The following SHANK2 variants were observed in gnomAD, a reference collection of about 807,000 sequenced individuals.
SHANK2 encodes SH3 and multiple ankyrin repeat domains 2, also known as SH3 and multiple ankyrin repeat domains protein 2.
A neutral mutation model predicts 133.7 loss-of-function variants in SHANK2; 43 were observed. That is an observed-to-expected ratio of 0.32 (90% CI 0.25 to 0.41). The LOEUF is 0.41. SHANK2 is among the 10% of genes least tolerant of loss of function. The pLI is 1.00. For synonymous variants in SHANK2, 1,017 were observed against 952.8 expected (o/e 1.07, Z -1.24); for missense variants, 1,994 against 2,235.8 (o/e 0.89, Z 2.18).
chr11:70,643,330 G>C (rs1323099406), intron 17 of SHANK2, among the ~76,000 whole-genome samples: 2 of 152,124 alleles, frequency 1.3e-5, no homozygotes, highest in Non-Finnish European at 2.9e-5. Flanking sequence ...TTGGGAGGCC[G>C]AGGCGGGCGG....
intron 14 of SHANK2, among the ~76,000 whole-genome samples, chr11:70,710,277 ACAAGTGACCAGGCTCTGAAGT>A (rs1945754541): frequency 6.6e-6 from 1 of 152,206 alleles, no homozygotes; most frequent in Non-Finnish European, 1.5e-5. Context: ...CTGCCGCACG[ACAAGTGACCAGGCTCTGAAGT>A]CAAGGGTGAG....
At chr11:71,087,603 G>A (rs1454827044) in intron 8 of SHANK2, among the ~76,000 whole-genome samples, 6 of 152,110 alleles carry the variant, frequency 3.9e-5, no homozygotes, top group East Asian at 3.8e-4. Context: ...AGCGAGCTTC[G>A]GGTCCCATAC....
chr11:70,625,983 A>C (rs1390595241), intron 17 of SHANK2, among the ~76,000 whole-genome samples: 1 of 152,006 alleles, frequency 6.6e-6, no homozygotes, highest in Non-Finnish European at 1.5e-5. Context: ...TCCCGCTCGG[A>C]GGGCTGAGGG....
chr11:70,852,626 C>T (rs781925098), intron 11 of SHANK2, among the ~76,000 whole-genome samples: 9 of 152,188 alleles, frequency 5.9e-5, no homozygotes, highest in Admixed American at 2.6e-4. Flanking sequence ...GGGCGGATCA[C>T]GAGGTCAGGA....
At chr11:70,932,906 CTG>C (rs1480379458) in intron 10 of SHANK2, among the ~76,000 whole-genome samples, 1 of 152,200 alleles carries the variant, frequency 6.6e-6, no homozygotes, top group Non-Finnish European at 1.5e-5. Flanking sequence ...CTCTTGCACA[CTG>C]TGGCTGGGAA....
rs755431485 is a variant in SHANK2 at position 70,792,852 on chromosome 11, G to A, written c.1777+5591C>T. 3.1e-3 allele frequency among the ~76,000 whole-genome samples: 477 copies of A among 152,308 alleles called. 4 individuals are homozygous for A. The highest frequency in any genetic ancestry group is 4.0e-3 in the Non-Finnish European group (274 of 68,034). ...TACAATCCCAGTATTTTGGGAGACC[G>A]AGGCAGGAGGGTCACTTGTGCCTAG... On this transcript the variant is annotated intron_variant, in intron 14 of 25. Coordinates refer to ENST00000601538, the MANE Select transcript of SHANK2 (RefSeq NM_012309.5).
chr11:70,798,318 C>A, intron 14 of SHANK2, 125 bp downstream of exon 14: 1 of 677,832 alleles, frequency 1.5e-6, no homozygotes, highest in South Asian at 1.5e-5. Context: ...TCTAGAAAGT[C>A]CTGAATTCGC....
Position 70,599,937 on chromosome 11 carries a change from A to AAG in SHANK2, c.2061+59889_2061+59890dup, listed in dbSNP as rs1382563994. On this transcript the variant is annotated intron_variant, in intron 17 of 25. Transcript: ENST00000601538. Reference sequence around the variant, plus strand: ...AAAGAAAGAAAGAAAGAAAGAAAGAAAGAAAGAAAGAAAGAAAGAAAGAAA... The same window carrying AAG: ...AAAGAAAGAAAGAAAGAAAGAAAGAAAGAGAAAGAAAGAAAGAAAGAAAGAAA... Among the ~76,000 whole-genome samples the AAG allele has an allele frequency of 1.3e-3, 134 of 101,902 alleles. 1 individual carries two copies. Among genetic ancestry groups the AAG allele is most frequent in the African/African-American group, 5.0e-3 (128 of 25,464 alleles). The allele number at this position is 101,902 out of a possible 152,430, so 66.9% of individuals were successfully genotyped here. A position where few individuals can be genotyped will look rare whatever the true frequency, so the allele number is the denominator to read the frequency against.
chr11:70,643,693 C>A (rs1187824251), intron 17 of SHANK2, among the ~76,000 whole-genome samples: 2 of 151,542 alleles, frequency 1.3e-5, no homozygotes, highest in African/African-American at 4.8e-5. Context: ...ATTCCTCTTT[C>A]TTTTATACGT....
intron 2 of SHANK2, among the ~76,000 whole-genome samples, chr11:71,200,969 C>T (rs781916973): frequency 1.3e-5 from 2 of 152,078 alleles, no homozygotes; most frequent in African/African-American, 2.4e-5. Flanking sequence ...CAATATTGGG[C>T]ACCTGCAATG....
intron 17 of SHANK2, among the ~76,000 whole-genome samples, chr11:70,618,691 T>C (rs1401898636): frequency 2.0e-5 from 3 of 152,264 alleles, no homozygotes; most frequent in Non-Finnish European, 4.4e-5. Flanking sequence ...CGCAGGCTTC[T>C]GGGTTAAATC....
At chr11:70,561,722 G>GC (rs1301298379) in intron 17 of SHANK2, among the ~76,000 whole-genome samples, 2 of 148,916 alleles carry the variant, frequency 1.3e-5, no homozygotes, top group Non-Finnish European at 3.0e-5. Context: ...GAGATGGCAG[G>GC]GGGGGTCTCA....
At chr11:70,824,571 C>T (rs1486183965) in intron 11 of SHANK2, among the ~76,000 whole-genome samples, 1 of 152,108 alleles carries the variant, frequency 6.6e-6, no homozygotes, top group African/African-American at 2.4e-5. Flanking sequence ...CAGAGCCCCT[C>T]GAGGGGCTTG....
At chr11:70,731,884 T>G (rs1161103760) in intron 14 of SHANK2, among the ~76,000 whole-genome samples, 11 of 152,248 alleles carry the variant, frequency 7.2e-5, no homozygotes, top group African/African-American at 1.4e-4. Flanking sequence ...CACAGCCGCC[T>G]CCTCCTCCTG....
At chr11:70,808,646 G>A (rs1232157105) in intron 12 of SHANK2, among the ~76,000 whole-genome samples, 1 of 151,794 alleles carries the variant, frequency 6.6e-6, no homozygotes, top group Non-Finnish European at 1.5e-5. Flanking sequence ...CAGGTGGGAG[G>A]ATTGCTTGTG....
At chr11:70,843,417 G>A (rs1948945912) in intron 11 of SHANK2, among the ~76,000 whole-genome samples, 1 of 148,144 alleles carries the variant, frequency 6.8e-6, no homozygotes, top group Non-Finnish European at 1.5e-5. Flanking sequence ...GGCTGGCGCT[G>A]TAGACAGAGC....
intron 14 of SHANK2, among the ~76,000 whole-genome samples, chr11:70,792,600 G>T (rs185266742): frequency 4.9e-4 from 74 of 152,320 alleles, no homozygotes; most frequent in Non-Finnish European, 8.7e-4. Flanking sequence ...TTCATGAATG[G>T]AGTTTACCAA....
chr11:71,125,318 C>T (rs1442805282), intron 3 of SHANK2, among the ~76,000 whole-genome samples: 1 of 152,172 alleles, frequency 6.6e-6, no homozygotes, highest in East Asian at 1.9e-4. Context: ...CAGCACCAAA[C>T]AGTAAGCCAT....
intron 10 of SHANK2, among the ~76,000 whole-genome samples, chr11:70,939,741 G>A (rs951635026): frequency 5.3e-5 from 8 of 152,108 alleles, no homozygotes; most frequent in East Asian, 3.9e-4. Flanking sequence ...TCCCCGCTGC[G>A]TGGCTCCTCT....
Sources: gnomAD v4.1 joint callset for allele counts (sites outside exome capture counted in the v4.1 genomes callset) on GRCh38, gnomAD v4.1.1 for gene constraint, MANE v1.5 for transcripts, NCBI Gene and HGNC (gene_info 2026-07-23, HGNC 2026-07-21) for gene names.